The following FBXO25 variants were observed in gnomAD, a reference collection of about 807,000 sequenced individuals.
FBXO25 encodes the protein F-box only protein 25.
Under a neutral mutation model 51.9 loss-of-function variants are expected in FBXO25, and 45 were observed. The observed-to-expected ratio is 0.87, with a 90% CI of 0.68 to 1.11. The LOEUF is 1.11. Ranked by LOEUF, FBXO25 falls within the 50% of genes most tolerant of loss-of-function variation. The pLI, the probability that FBXO25 is intolerant of heterozygous loss-of-function variation, is 0.00. For synonymous variants in FBXO25, 199 were observed against 151.0 expected (o/e 1.32, Z -2.33); for missense variants, 507 against 428.5 (o/e 1.18, Z -1.62).
In FBXO25 at chr8:420,652, G is replaced by A. The variant is rs776833950; in HGVS notation, c.134+7439G>A. Among the ~76,000 whole-genome samples, 7 of 152,324 alleles carry A rather than the reference G, an allele frequency of 4.6e-5. No homozygotes were observed. In the East Asian group the frequency reaches 5.8e-4, roughly 13 times the overall value. ...CACAACATGGATGAATCTTAAATTCGTTTTGCTTAGTGAAAGAAACCAAAC... is the reference window on the plus strand; with the variant it reads ...CACAACATGGATGAATCTTAAATTCATTTTGCTTAGTGAAAGAAACCAAAC... On this transcript the variant is annotated intron_variant, in intron 2 of 9. Transcript: ENST00000350302.
At position 472,677 on chromosome 8, in the gene FBXO25, C is replaced by G. The variant is rs1278896222; in HGVS notation, c.*3873C>G. 1 of 152,234 alleles carries G rather than the reference C, an allele frequency of 6.6e-6. No individual in the cohort carries two copies. Among genetic ancestry groups the G allele is most frequent in the Non-Finnish European group, 1.5e-5 (1 of 68,042 alleles). 9.4% of individuals were successfully genotyped at this position (152,234 alleles called of 1,614,324 possible). On this transcript the variant is annotated 3_prime_UTR_variant, in exon 10 of 10. Transcript: ENST00000350302. ...GAGAACTCCATATAAGATTTGAAGT[C>G]ACTGAGAAGCTTCAATTATCCTTTA...
intron 7 of FBXO25, among the ~76,000 whole-genome samples, chr8:456,350 T>C (rs1799429225): frequency 6.6e-6 from 1 of 152,138 alleles, no homozygotes; most frequent in Non-Finnish European, 1.5e-5. Context: ...GCTGGGATTA[T>C]AGGCGTGAGC....
intron 1 of FBXO25, 36 bp from the exon 2 acceptor site, chr8:413,037 A>T: frequency 4.2e-6 from 6 of 1,424,058 alleles, no homozygotes; most frequent in Non-Finnish European, 5.6e-6. Context: ...TTTATGAATT[A>T]TATATACTTT....
Position 435,320 on chromosome 8 carries a change from C to T in FBXO25, c.289-295C>T. 4 of 400,016 alleles carry T rather than the reference C, an allele frequency of 1.0e-5. No homozygotes were observed. The South Asian group carries it at 1.0e-4, about 10-fold the overall frequency. 24.8% of individuals were successfully genotyped at this position (400,016 alleles called of 1,614,324 possible). A position where few individuals can be genotyped will look rare whatever the true frequency, so the allele number is the denominator to read the frequency against. On this transcript the variant is annotated intron_variant, in intron 4 of 9. Coordinates refer to ENST00000350302, the MANE Select transcript of FBXO25 (RefSeq NM_183420.2). ...CTTAGCTTTAACGTCGTCCACACCCCAGTTTGTCCCCAACAAAACAAACCG... is the reference window on the plus strand; with the variant it reads ...CTTAGCTTTAACGTCGTCCACACCCTAGTTTGTCCCCAACAAAACAAACCG...
At position 475,187 on chromosome 8, in the gene FBXO25, T is replaced by C. The variant is rs913336372; in HGVS notation, c.*6383T>C. 3.0e-6 allele frequency: 1 copy of C among 330,092 alleles called. No individual in the cohort carries two copies. The highest frequency in any genetic ancestry group is 2.2e-5 in the African/African-American group (1 of 45,722). 20.4% of individuals were successfully genotyped at this position (330,092 alleles called of 1,614,324 possible). On this transcript the variant is annotated 3_prime_UTR_variant, in exon 10 of 10. Transcript: ENST00000350302. ...TGGATGTCCACTTGTCTAGCACCAT[T>C]TGTTGAAAAGACTGTCCTTTCTCCC...
intron 2 of FBXO25, among the ~76,000 whole-genome samples, chr8:424,042 T>C (rs1370008839): frequency 6.6e-6 from 1 of 152,142 alleles, no homozygotes; most frequent in Non-Finnish European, 1.5e-5. Flanking sequence ...TAATGCTATG[T>C]GGTACTGAGC....
chr8:474,443 A>G lies in FBXO25; in HGVS notation c.*5639A>G, dbSNP rs1303762885. On this transcript the variant is annotated 3_prime_UTR_variant, in exon 10 of 10. Coordinates refer to ENST00000350302, the MANE Select transcript of FBXO25 (RefSeq NM_183420.2). ...AGTCTCTGCTTTCAATCATATGGCA[A>G]TCCTATGTTTAATTTCTTAGGGCAC... 3 of 302,424 alleles carry G rather than the reference A, an allele frequency of 9.9e-6. No individual in the cohort carries two copies. The highest frequency in any genetic ancestry group is 1.3e-5 in the Non-Finnish European group (2 of 157,154). 18.7% of individuals were successfully genotyped at this position (302,424 alleles called of 1,614,324 possible). A position where few individuals can be genotyped will look rare whatever the true frequency, so the allele number is the denominator to read the frequency against.
At chr8:456,791 C>T (rs1163151721) in intron 7 of FBXO25, among the ~76,000 whole-genome samples, 1 of 152,118 alleles carries the variant, frequency 6.6e-6, no homozygotes, top group Non-Finnish European at 1.5e-5. Context: ...CTCGTGCTGC[C>T]CACTGGGATG....
At chr8:445,803 A>G (rs896751932) in intron 5 of FBXO25, among the ~76,000 whole-genome samples, 2 of 152,218 alleles carry the variant, frequency 1.3e-5, no homozygotes, top group African/African-American at 2.4e-5. Context: ...CCCAGGAAGC[A>G]GAGGTTGCAG....
intron 6 of FBXO25, 62 bp from the exon 7 acceptor site, chr8:451,207 G>C: frequency 6.9e-7 from 1 of 1,443,050 alleles, no homozygotes; most frequent in Non-Finnish European, 9.4e-7. Flanking sequence ...TATGAAACTA[G>C]ATCTTTTTTT....
intron 1 of FBXO25, chr8:407,370 T>TCCGCGGGCGCGTCAGGTAGGGACGATGGG: frequency 5.4e-6 from 5 of 929,642 alleles, no homozygotes; most frequent in Admixed American, 1.7e-4. Context: ...GAAGTCTGGG[T>TCCGCGGGCGCGTCAGGTAGGGACGATGGG]CCGCGGGCGC....
chr8:458,757 A>T (rs1348209011), intron 8 of FBXO25, among the ~76,000 whole-genome samples: 1 of 152,174 alleles, frequency 6.6e-6, no homozygotes, highest in Non-Finnish European at 1.5e-5. Flanking sequence ...TAGAACCATG[A>T]CTCTAAAAAT....
At chr8:407,390 G>A (rs1481503777) in intron 1 of FBXO25, 1 of 983,276 alleles carries the variant, frequency 1.0e-6, no homozygotes, top group Non-Finnish European at 1.2e-6. Context: ...CGTCAGGTAG[G>A]GACGATGGGC....
chr8:438,186 C>G lies in FBXO25; in HGVS notation c.381+2479C>G, dbSNP rs9644275. ...TCTCCTGCCTCAGCCTCCTGAGTAG[C>G]TGGGATTACAGGCATGCACCACGAT... On this transcript the variant is annotated intron_variant, in intron 5 of 9. Coordinates refer to ENST00000350302, the MANE Select transcript of FBXO25 (RefSeq NM_183420.2). 3.0e-4 allele frequency among the ~76,000 whole-genome samples: 46 copies of G among 152,076 alleles called. No individual in the cohort carries two copies. In the East Asian group the frequency reaches 8.0e-3, roughly 26 times the overall value.
At chr8:438,727 C>A (rs967350696) in intron 5 of FBXO25, among the ~76,000 whole-genome samples, 5 of 152,304 alleles carry the variant, frequency 3.3e-5, no homozygotes, top group African/African-American at 1.2e-4. Context: ...TTCTAACTTT[C>A]AAGAAACTTT....
rs553181089 is a variant in FBXO25, at chr8:442,555, C to T, written c.381+6848C>T. Among the ~76,000 whole-genome samples, 48 of 152,160 alleles carry T rather than the reference C, an allele frequency of 3.2e-4. No individual in the cohort carries two copies. In the East Asian group the frequency reaches 5.8e-3, roughly 18 times the overall value. On this transcript the variant is annotated intron_variant, in intron 5 of 9. Transcript: ENST00000350302. Reference sequence around the variant, plus strand: ...CATAATCTTGGCCCACTGCAACTTCCGCCCCCCGGGTTCAAGCGATTCTCC... The same window carrying T: ...CATAATCTTGGCCCACTGCAACTTCTGCCCCCCGGGTTCAAGCGATTCTCC...
intron 5 of FBXO25, among the ~76,000 whole-genome samples, chr8:442,625 A>T (rs1377644981): frequency 6.6e-6 from 1 of 151,938 alleles, no homozygotes; most frequent in African/African-American, 2.4e-5. Context: ...ACCTGCCACC[A>T]CGCCTGGCTA....
In FBXO25 at chr8:435,600, G is replaced by A; in HGVS notation, c.289-15G>A. On this transcript the variant is annotated splice_polypyrimidine_tract_variant and intron_variant, in intron 4 of 9. Transcript: ENST00000350302. The stretch of plus-strand genomic sequence containing the variant: ...GGCTAATTGACTAATTTTAACTTCT[G>A]TGTTGCTTTTCCAGAGGCATGGCTA... 2 of 1,602,712 alleles carry A rather than the reference G, an allele frequency of 1.2e-6. No individual in the cohort carries two copies. The highest frequency in any genetic ancestry group is 8.5e-7 in the Non-Finnish European group (1 of 1,178,200).
chr8:458,307 G>T, intron 7 of FBXO25, 62 bp from the exon 8 acceptor site: 1 of 1,552,528 alleles, frequency 6.4e-7, no homozygotes. Context: ...TGACTCTTCA[G>T]TTACTGTGTG....
Sources: gnomAD v4.1 joint callset for allele counts (sites outside exome capture counted in the v4.1 genomes callset) on GRCh38, gnomAD v4.1.1 for gene constraint, MANE v1.5 for transcripts, NCBI Gene and HGNC (gene_info 2026-07-23, HGNC 2026-07-21) for gene names.